TNFAIP8: variants seen among roughly 807,000 people sequenced by gnomAD.
TNFAIP8 encodes the protein tumor necrosis factor alpha-induced protein 8.
Under a neutral mutation model 13.3 loss-of-function variants are expected in TNFAIP8, and 7 were observed. The observed-to-expected ratio is 0.52, with a 90% CI of 0.30 to 0.99. The LOEUF is 0.99. TNFAIP8 is among the 50% of genes least tolerant of loss of function. The pLI, the probability that TNFAIP8 is intolerant of heterozygous loss-of-function variation, is 0.07. For missense variants in TNFAIP8, 258 were observed against 236.9 expected, an observed-to-expected ratio of 1.09 and a Z score of -0.58; for synonymous variants, 94 against 87.6, an observed-to-expected ratio of 1.07 and a Z score of -0.41.
upstream of TNFAIP8, chr5:119,355,363 A>C: frequency 1.4e-6 from 1 of 702,436 alleles, no homozygotes. Context: ...TGAATGAGTA[A>C]GCAGCCCCGT....
intron 1 of TNFAIP8, among the ~76,000 whole-genome samples, chr5:119,286,866 C>T (rs964376232): frequency 8.5e-5 from 13 of 152,204 alleles, no homozygotes; most frequent in Non-Finnish European, 1.8e-4. Context: ...AACAAATGCA[C>T]AGAGCCCAGA....
chr5:119,349,385 C>T (rs1751035873), intron 1 of TNFAIP8, among the ~76,000 whole-genome samples: 1 of 152,226 alleles, frequency 6.6e-6, no homozygotes, highest in South Asian at 2.1e-4. Context: ...AAATAAGTGA[C>T]TTCATTCTTA....
intron 1 of TNFAIP8, among the ~76,000 whole-genome samples, 189 bp downstream of exon 1, chr5:119,356,310 C>G (rs1024891537): frequency 6.6e-6 from 1 of 152,158 alleles, no homozygotes; most frequent in African/African-American, 2.4e-5. Context: ...CTTCTCCCCC[C>G]GCAGCCGTTC....
chr5:119,394,748 AG>A lies in TNFAIP8; in HGVS notation c.*1369del, dbSNP rs1281996050. On this transcript the variant is annotated 3_prime_UTR_variant, in exon 2 of 2. Transcript: ENST00000504771. ...CTGCCTCCCAAGTAGCTGGGATTACAGGCATGCACCACCACACCCAGCTAAT... is the reference window on the plus strand; with the variant it reads ...CTGCCTCCCAAGTAGCTGGGATTACAGCATGCACCACCACACCCAGCTAAT... 2.0e-5 allele frequency: 3 copies of A among 151,832 alleles called. No individual in the cohort carries two copies. Among genetic ancestry groups the A allele is most frequent in the Admixed American group, 6.6e-5 (1 of 15,220 alleles). 9.4% of individuals were successfully genotyped at this position (151,832 alleles called of 1,614,324 possible). A position where few individuals can be genotyped will look rare whatever the true frequency, so the allele number is the denominator to read the frequency against.
chr5:119,300,063 G>A lies in TNFAIP8; in HGVS notation c.1+31156G>A, dbSNP rs985541684. 3.9e-5 allele frequency among the ~76,000 whole-genome samples: 6 copies of A among 152,220 alleles called. No individual in the cohort carries two copies. In the South Asian group the frequency reaches 6.2e-4, roughly 16 times the overall value. On this transcript the variant is annotated intron_variant, in intron 1 of 1. Transcript: ENST00000274456. ...AACTCCCTGACCCCTTGTGCTTCCCGAGTGAGGCAATGCCTTGCCCTGCTT... is the reference window on the plus strand; with the variant it reads ...AACTCCCTGACCCCTTGTGCTTCCCAAGTGAGGCAATGCCTTGCCCTGCTT...
chr5:119,324,168 G>A (rs922001252), intron 1 of TNFAIP8, among the ~76,000 whole-genome samples: 4 of 150,544 alleles, frequency 2.7e-5, no homozygotes, highest in South Asian at 4.2e-4. Context: ...CCAGCTACTC[G>A]AGAGGCTGAG....
chr5:119,270,432 T>G (rs1414601622), intron 1 of TNFAIP8, among the ~76,000 whole-genome samples: 1 of 152,186 alleles, frequency 6.6e-6, no homozygotes, highest in Non-Finnish European at 1.5e-5. Context: ...AAGCTATGGT[T>G]GTTGTTGTTT....
intron 1 of TNFAIP8, among the ~76,000 whole-genome samples, chr5:119,334,896 G>A (rs17145189): frequency 0.1 from 15,899 of 151,982 alleles, 1,032 homozygotes; most frequent in African/African-American, 0.2. Flanking sequence ...CCAAAGGGAG[G>A]GTAGGTAGCG....
chr5:119,397,023 A>T lies in TNFAIP8; in HGVS notation c.*3642A>T. ...AAAAAAAAAAAAAAAAAAAAGCATG[A>T]GTTAAGAACTTTGATCGTACAGAAA... On this transcript the variant is annotated 3_prime_UTR_variant, in exon 2 of 2. Coordinates refer to ENST00000504771, the MANE Select transcript of TNFAIP8 (RefSeq NM_014350.4). 6.9e-6 allele frequency: 1 copy of T among 145,670 alleles called. No homozygotes were observed. The highest frequency in any genetic ancestry group is 2.5e-5 in the African/African-American group (1 of 39,726). 9.0% of individuals were successfully genotyped at this position (145,670 alleles called of 1,614,324 possible). A position where few individuals can be genotyped will look rare whatever the true frequency, so the allele number is the denominator to read the frequency against.
rs1352171321 is a variant in TNFAIP8, at chr5:119,398,210, A to G, written c.*4829A>G. ...CTCCGCCTTCCCTGACATCAGCTGC[A>G]TAACTGTATTTCTGCCTCGTGGAAA... On this transcript the variant is annotated 3_prime_UTR_variant, in exon 2 of 2. Coordinates refer to ENST00000504771, the MANE Select transcript of TNFAIP8 (RefSeq NM_014350.4). 1 of 152,246 alleles carries G rather than the reference A, an allele frequency of 6.6e-6. No individual in the cohort carries two copies. The highest frequency in any genetic ancestry group is 1.5e-5 in the Non-Finnish European group (1 of 68,048). The allele number at this position is 152,246 out of a possible 1,614,324, so 9.4% of individuals were successfully genotyped here.
chr5:119,286,682 C>G (rs6878373), intron 1 of TNFAIP8, among the ~76,000 whole-genome samples: 117,682 of 151,444 alleles, frequency 0.78, 47,186 homozygotes, highest in East Asian at 0.95. Context: ...TATGGGCCTG[C>G]CCTGTGAGTT....
At chr5:119,347,483 A>C (rs553650731) in intron 1 of TNFAIP8, among the ~76,000 whole-genome samples, 1 of 152,248 alleles carries the variant, frequency 6.6e-6, no homozygotes, top group Admixed American at 6.5e-5. Flanking sequence ...AAATTTATGG[A>C]CTTAATATCA....
chr5:119,324,232 GCCACTGCACTC>G, intron 1 of TNFAIP8, among the ~76,000 whole-genome samples: 1 of 130,202 alleles, frequency 7.7e-6, no homozygotes, highest in Non-Finnish European at 1.6e-5. Context: ...CCGAGATCGC[GCCACTGCACTC>G]CAGCCTGAGC....
At chr5:119,368,964 C>T (rs1161125616) in intron 1 of TNFAIP8, among the ~76,000 whole-genome samples, 1 of 151,984 alleles carries the variant, frequency 6.6e-6, no homozygotes, top group East Asian at 1.9e-4. Flanking sequence ...GAATCCTCTA[C>T]CCTAAATACC....
intron 1 of TNFAIP8, among the ~76,000 whole-genome samples, chr5:119,370,337 C>T (rs1481496308): frequency 6.6e-6 from 1 of 150,786 alleles, no homozygotes; most frequent in East Asian, 2.1e-4. Flanking sequence ...TGCATGAATC[C>T]ACACATAAAA....
chr5:119,338,217 C>G (rs1487747361), intron 1 of TNFAIP8, among the ~76,000 whole-genome samples: 2 of 148,812 alleles, frequency 1.3e-5, no homozygotes, highest in Non-Finnish European at 3.0e-5. Flanking sequence ...CACACCTTCT[C>G]AGCACCTAGT....
At position 119,360,482 on chromosome 5, in the gene TNFAIP8, G is replaced by A. The variant is rs1250527598; in HGVS notation, c.31+4361G>A. On this transcript the variant is annotated intron_variant, in intron 1 of 1. Transcript: ENST00000504771. ...ATGTATATCTTTAATGTTTAAGGAA[G>A]GTCTGTAGTAAGAAGTCTTCTGTAA... 3.3e-5 allele frequency among the ~76,000 whole-genome samples: 5 copies of A among 152,250 alleles called. No homozygotes were observed. In the East Asian group the frequency reaches 9.6e-4, roughly 29 times the overall value.
intron 1 of TNFAIP8, among the ~76,000 whole-genome samples, chr5:119,315,995 G>A (rs1334502901): frequency 2.0e-5 from 3 of 152,130 alleles, no homozygotes; most frequent in African/African-American, 7.2e-5. Flanking sequence ...AAGTAATTCT[G>A]TCTTCCTACC....
rs1194403635 is a variant in TNFAIP8, at chr5:119,396,953, C to T, written c.*3572C>T. The T allele has an allele frequency of 7.0e-6, 1 of 143,482 alleles. No individual in the cohort carries two copies. Among genetic ancestry groups the T allele is most frequent in the Non-Finnish European group, 1.5e-5 (1 of 67,030 alleles). 8.9% of individuals were successfully genotyped at this position (143,482 alleles called of 1,614,324 possible). A position where few individuals can be genotyped will look rare whatever the true frequency, so the allele number is the denominator to read the frequency against. ...AGGTTGCAGTGAGCTGAGATTGTAC[C>T]ACTGCACTGCAGCCTGGGCAACAAG... On this transcript the variant is annotated 3_prime_UTR_variant, in exon 2 of 2. Coordinates refer to ENST00000504771, the MANE Select transcript of TNFAIP8 (RefSeq NM_014350.4).
Sources: allele counts gnomAD v4.1 joint callset (sites outside exome capture counted in the v4.1 genomes callset), GRCh38; gene constraint gnomAD v4.1.1; transcripts MANE v1.5; gene names NCBI Gene and HGNC (gene_info 2026-07-23, HGNC 2026-07-21).